The following POLG2 variants were observed in gnomAD, a reference collection of about 807,000 sequenced individuals.
POLG2 encodes the protein DNA polymerase gamma 2, accessory subunit, also known as DNA polymerase subunit gamma-2.
In POLG2, 50 loss-of-function variants were observed where a neutral mutation model predicts 56.5. That is an observed-to-expected ratio of 0.88 (90% CI 0.71 to 1.12). The LOEUF (loss-of-function observed/expected upper bound fraction) is 1.12. POLG2 is among the 50% of genes most tolerant of loss of function. The pLI is 0.00. For missense variants in POLG2, 584 were observed against 583.3 expected, an observed-to-expected ratio of 1.00 and a Z score of -0.01; for synonymous variants, 226 against 222.6, an observed-to-expected ratio of 1.02 and a Z score of -0.14.
chr17:64,490,182 C>G (rs2038033488), intron 4 of POLG2, among the ~76,000 whole-genome samples: 1 of 152,184 alleles, frequency 6.6e-6, no homozygotes, highest in Non-Finnish European at 1.5e-5. Flanking sequence ...TTCGGCCTCA[C>G]AAAGTGCTGG....
At chr17:64,480,241 CA>C in intron 7 of POLG2, 47 bp downstream of exon 7, 1 of 746,578 alleles carries the variant, frequency 1.3e-6, no homozygotes, top group Non-Finnish European at 2.2e-6. Context: ...TAAACATAAT[CA>C]AAAACTCTTG....
chr17:64,486,240 T>C lies in POLG2; in HGVS notation c.970-372A>G, dbSNP rs137916239. ...AAAACTATGGTGCTTGGTTGGGCTC[T>C]ATCCCAGAGATTCTGAACGAACTCA... is the stretch of plus-strand genomic sequence containing the variant. On this transcript the variant is annotated intron_variant, in intron 4 of 7. Coordinates refer to ENST00000539111, the MANE Select transcript of POLG2 (RefSeq NM_007215.4). Among the ~76,000 whole-genome samples, 593 of 152,334 alleles carry C rather than the reference T, an allele frequency of 3.9e-3. 4 individuals carry two copies. Among genetic ancestry groups the C allele is most frequent in the South Asian group, 0.017 (83 of 4,826 alleles).
intron 4 of POLG2, among the ~76,000 whole-genome samples, chr17:64,488,379 ACTCT>A (rs1555667880): frequency 6.6e-6 from 1 of 152,054 alleles, no homozygotes; most frequent in African/African-American, 2.4e-5. Context: ...CAATAGGAAA[ACTCT>A]TCATTAGTGA....
chr17:64,496,616 A>G lies in POLG2; in HGVS notation c.353T>C (p.Val118Ala). ...GAATACCTGCTCCCTGAACACCACC[A>G]CCGAGGTCCACCATTCTGCGGCCAG... ...KNLAAEWWTSVVVFREQVFPV... is the reference protein window; with the variant it reads ...KNLAAEWWTSAVVFREQVFPV... Residue 118 changes from valine (V) to alanine (A), a missense_variant, in exon 1 of 8, where the codon GTG (valine) becomes GCG (alanine). Coordinates refer to ENST00000539111, the MANE Select transcript of POLG2 (RefSeq NM_007215.4). 1 of 1,613,852 alleles carries G rather than the reference A, an allele frequency of 6.2e-7. No individual in the cohort carries two copies. The highest frequency in any genetic ancestry group is 8.5e-7 in the Non-Finnish European group (1 of 1,179,906).
intron 7 of POLG2, among the ~76,000 whole-genome samples, chr17:64,479,714 T>C (rs1205354790): frequency 6.6e-6 from 1 of 152,104 alleles, no homozygotes; most frequent in Non-Finnish European, 1.5e-5. Flanking sequence ...TGACTCTAAC[T>C]TGGGTAGTGG....
intron 3 of POLG2, chr17:64,491,681 G>A: frequency 8.3e-7 from 1 of 1,203,152 alleles, no homozygotes; most frequent in Non-Finnish European, 1.2e-6. Flanking sequence ...TCAACGTGAA[G>A]AAGGGGAGCA....
intron 3 of POLG2, chr17:64,491,580 C>A: frequency 6.4e-7 from 1 of 1,550,996 alleles, no homozygotes; most frequent in Non-Finnish European, 8.9e-7. Flanking sequence ...ACTAGGGGAG[C>A]TGCCAAGCTG....
Position 64,492,894 on chromosome 17 carries a change from C to A in POLG2, c.689+1G>T. The A allele has an allele frequency of 6.2e-7, 1 of 1,614,012 alleles. No individual in the cohort carries two copies. Among genetic ancestry groups the A allele is most frequent in the African/African-American group, 1.3e-5 (1 of 75,020 alleles). On this transcript the variant is annotated splice_donor_variant, in intron 2 of 7. Coordinates refer to ENST00000539111, the MANE Select transcript of POLG2 (RefSeq NM_007215.4). LOFTEE classifies it high-confidence loss of function. ...GCCAAGTTATTTGCCACTTTTTATACCTTTTAACACCATTTCGTATCTGCT... is the reference window on the plus strand; with the variant it reads ...GCCAAGTTATTTGCCACTTTTTATAACTTTTAACACCATTTCGTATCTGCT...
chr17:64,494,211 T>C (rs2038112252), intron 1 of POLG2, among the ~76,000 whole-genome samples: 1 of 152,252 alleles, frequency 6.6e-6, no homozygotes, highest in African/African-American at 2.4e-5. Flanking sequence ...TCATAGATTG[T>C]CTCACATTTG....
In POLG2 at chr17:64,482,924, T is replaced by A; in HGVS notation, c.1186A>T (p.Arg396Ter). 6.4e-7 allele frequency: 1 copy of A among 1,562,714 alleles called. No individual in the cohort carries two copies. The highest frequency in any genetic ancestry group is 8.8e-7 in the Non-Finnish European group (1 of 1,133,540). The change falls in exon 6 of 8, where the codon AGA (arginine) becomes TGA (stop). Residue 396 changes from arginine to a stop codon, truncating the protein, a stop_gained. Coordinates refer to ENST00000539111, the MANE Select transcript of POLG2 (RefSeq NM_007215.4). LOFTEE classifies it high-confidence loss of function. ...TTTAAACTCATTTAACTCACCTGTC[T>A]TAGTTCCAATGTGGGGCCTCTTCCT... Reference protein sequence around the residue: ...DVGRGPTLELRQVCQGLFNEL... With the variant: ...DVGRGPTLEL
chr17:64,484,818 G>C (rs1398210081), intron 5 of POLG2, among the ~76,000 whole-genome samples: 1 of 152,130 alleles, frequency 6.6e-6, no homozygotes, highest in East Asian at 1.9e-4. Flanking sequence ...ACTTAACTAA[G>C]AAGAGTGGTT....
intron 6 of POLG2, 30 bp from the exon 7 acceptor site, chr17:64,480,419 G>T: frequency 9.2e-7 from 1 of 1,083,024 alleles, no homozygotes; most frequent in Non-Finnish European, 1.4e-6. Flanking sequence ...CTTCAAATAT[G>T]AAAGAAATAA....
intron 5 of POLG2, 144 bp downstream of exon 5, chr17:64,485,584 T>C (rs1555667275): frequency 1.4e-6 from 1 of 707,862 alleles, no homozygotes; most frequent in Non-Finnish European, 2.5e-6. Context: ...GTGGCCAGAT[T>C]CTAAAAAAAC....
At chr17:64,489,028 CTT>C (rs562036918) in intron 4 of POLG2, among the ~76,000 whole-genome samples, 23 of 136,414 alleles carry the variant, frequency 1.7e-4, no homozygotes, top group Admixed American at 2.9e-4. Context: ...TTTTCTTTTT[CTT>C]TTTTTTTTTT....
chr17:64,496,623 T>G lies in POLG2; in HGVS notation c.346A>C (p.Thr116Pro). The change falls in exon 1 of 8, where the codon ACC becomes CCC. Residue 116 changes from threonine (T) to proline (P), a missense_variant. Physicochemically the swap from Thr to Pro is conservative, Grantham distance 38. Transcript: ENST00000539111. Reference sequence around the variant, plus strand: ...TGCTCCCTGAACACCACCACCGAGGTCCACCATTCTGCGGCCAGGTTCTTC... The same window carrying G: ...TGCTCCCTGAACACCACCACCGAGGGCCACCATTCTGCGGCCAGGTTCTTC... ...LRKNLAAEWW[T>P]SVVVFREQVF... 1 of 1,612,694 alleles carries G rather than the reference T, an allele frequency of 6.2e-7. No individual in the cohort carries two copies.
chr17:64,480,137 C>T, intron 7 of POLG2, 152 bp downstream of exon 7: 1 of 247,356 alleles, frequency 4.0e-6, no homozygotes, highest in Non-Finnish European at 7.9e-6. Context: ...AGGCAATTAA[C>T]TAAATGCACA....
intron 1 of POLG2, among the ~76,000 whole-genome samples, chr17:64,494,542 T>A (rs1251928104): frequency 1.3e-5 from 2 of 152,212 alleles, no homozygotes; most frequent in African/African-American, 4.8e-5. Flanking sequence ...ATTTATTCCA[T>A]AGCTTCTGTA....
chr17:64,491,809 C>T, intron 3 of POLG2: 2 of 493,078 alleles, frequency 4.1e-6, no homozygotes, highest in Non-Finnish European at 7.5e-6. Flanking sequence ...GCTCTGCACT[C>T]CCCCAGCAAC....
chr17:64,484,499 T>C (rs140840516), intron 5 of POLG2, among the ~76,000 whole-genome samples: 30 of 151,996 alleles, frequency 2.0e-4, no homozygotes, highest in Middle Eastern at 3.4e-3. Flanking sequence ...TTTCCTGGAG[T>C]GTTCTGAGCA....
Sources: allele counts gnomAD v4.1 joint callset (sites outside exome capture counted in the v4.1 genomes callset), GRCh38; gene constraint gnomAD v4.1.1; transcripts MANE v1.5; gene names NCBI Gene and HGNC (gene_info 2026-07-23, HGNC 2026-07-21).